Variants in MON2 observed in about 807,000 individuals in gnomAD.
The protein encoded by MON2 is MON2 regulator of endosome-to-Golgi trafficking.
A neutral mutation model predicts 208.6 loss-of-function variants in MON2; 84 were observed. The ratio of observed to expected loss-of-function variants is 0.40; its 90% CI spans 0.34 to 0.48. The LOEUF is 0.48. MON2 is among the 20% of genes least tolerant of loss of function. The probability of loss-of-function intolerance (pLI) is 0.59; values close to 1 mark genes in which losing one functional copy is unlikely to be tolerated. For missense variants in MON2, 1,611 were observed against 2,015.4 expected (o/e 0.80, Z 3.84); for synonymous variants, 660 against 694.0 (o/e 0.95, Z 0.77).
chr12:62,473,515 T>C (rs2068901478), intron 1 of MON2, among the ~76,000 whole-genome samples: 1 of 152,204 alleles, frequency 6.6e-6, no homozygotes, highest in South Asian at 2.1e-4. Flanking sequence ...TTTTGAGTTT[T>C]GTAAGACTGT....
At chr12:62,505,414 G>A (rs2071048096) in intron 7 of MON2, among the ~76,000 whole-genome samples, 1 of 152,154 alleles carries the variant, frequency 6.6e-6, no homozygotes, top group African/African-American at 2.4e-5. Context: ...GCAAGGGCAT[G>A]GTACTCTGGA....
intron 26 of MON2, 33 bp downstream of exon 26, chr12:62,561,146 A>C (rs765205619): frequency 1.2e-5 from 18 of 1,515,128 alleles, no homozygotes; most frequent in Non-Finnish European, 3.5e-6. Context: ...GTAATACTGC[A>C]TATAGTTCTC....
intron 4 of MON2, 48 bp downstream of exon 4, chr12:62,495,195 T>G (rs754509010): frequency 6.6e-7 from 1 of 1,505,776 alleles, no homozygotes; most frequent in African/African-American, 1.4e-5. Flanking sequence ...AGACAGTATT[T>G]GAATAAGCTG....
chr12:62,487,715 T>A (rs1044434686), intron 2 of MON2, among the ~76,000 whole-genome samples: 3 of 151,996 alleles, frequency 2.0e-5, no homozygotes, highest in Non-Finnish European at 4.4e-5. Context: ...ATAAATGTGC[T>A]TGTGATATTT....
chr12:62,473,215 C>T (rs535065570), intron 1 of MON2, among the ~76,000 whole-genome samples: 1 of 152,260 alleles, frequency 6.6e-6, no homozygotes, highest in Non-Finnish European at 1.5e-5. Context: ...AACTTTGCAT[C>T]CTTAGACTCT....
intron 25 of MON2, among the ~76,000 whole-genome samples, chr12:62,557,358 CAT>C (rs1201843358): frequency 6.6e-6 from 1 of 152,104 alleles, no homozygotes; most frequent in Non-Finnish European, 1.5e-5. Flanking sequence ...TTTTAGTTGT[CAT>C]AACTGGGGAA....
intron 23 of MON2, among the ~76,000 whole-genome samples, chr12:62,551,636 C>T (rs2073750789): frequency 6.6e-6 from 1 of 152,096 alleles, no homozygotes; most frequent in African/African-American, 2.4e-5. Context: ...AGGGTTGCCA[C>T]AAACCTTTAT....
chr12:62,563,866 A>G (rs2074280731), intron 26 of MON2, among the ~76,000 whole-genome samples: 1 of 152,112 alleles, frequency 6.6e-6, no homozygotes, highest in Admixed American at 6.6e-5. Context: ...AAATAAAACA[A>G]TTCACTTAGA....
chr12:62,482,326 A>C (rs2069494452), intron 1 of MON2: 1 of 152,264 alleles, frequency 6.6e-6, no homozygotes, highest in Non-Finnish European at 1.5e-5. Flanking sequence ...AAAATGACAG[A>C]AGTCTACTGC....
chr12:62,527,185 G>A (rs1365939273), intron 11 of MON2, among the ~76,000 whole-genome samples: 2 of 152,156 alleles, frequency 1.3e-5, no homozygotes, highest in African/African-American at 2.4e-5. Flanking sequence ...ACAGACTCAG[G>A]AAGCTGAGGC....
chr12:62,573,448 C>T (rs2074671788), intron 30 of MON2, among the ~76,000 whole-genome samples: 1 of 149,550 alleles, frequency 6.7e-6, no homozygotes. Flanking sequence ...CTTTCCCTAG[C>T]AAGGTGTGGT....
At chr12:62,545,473 G>A (rs2073441665) in intron 21 of MON2, 1 of 151,636 alleles carries the variant, frequency 6.6e-6, no homozygotes, top group African/African-American at 2.4e-5. Flanking sequence ...TGAATTCTTT[G>A]TCCTGACTCT....
intron 1 of MON2, among the ~76,000 whole-genome samples, chr12:62,473,456 T>G (rs1471847917): frequency 6.6e-6 from 1 of 152,262 alleles, no homozygotes; most frequent in Non-Finnish European, 1.5e-5. Flanking sequence ...TTTACCTTGC[T>G]TCATTATTTG....
intron 19 of MON2, among the ~76,000 whole-genome samples, chr12:62,541,157 G>A (rs187197499): frequency 2.2e-4 from 34 of 152,120 alleles, no homozygotes; most frequent in Middle Eastern, 3.4e-3. Context: ...TGAGGTGGGC[G>A]GATCACCTGA....
Position 62,535,631 on chromosome 12 carries a change from A to G in MON2, c.1822A>G (p.Ile608Val), listed in dbSNP as rs769745965. 4.2e-5 allele frequency: 67 copies of G among 1,613,758 alleles called. 2 individuals are homozygous for G. In the Middle Eastern group the frequency reaches 5.0e-3, roughly 119 times the overall value. ...TTCAAGAGATGCCTTTATAACTGCAATATGCAAAGGTTCCCTGCCTCCCCA... is the reference window on the plus strand; with the variant it reads ...TTCAAGAGATGCCTTTATAACTGCAGTATGCAAAGGTTCCCTGCCTCCCCA... ...VTSRDAFITAICKGSLPPHYA... is the reference protein window; with the variant it reads ...VTSRDAFITAVCKGSLPPHYA... Residue 608 changes from isoleucine to valine, a missense_variant, in exon 14 of 35, where the codon ATA becomes GTA. By Grantham distance (29) the Ile-to-Val change is conservative (BLOSUM62 3). Coordinates refer to ENST00000393630, the MANE Select transcript of MON2 (RefSeq NM_015026.3).
chr12:62,595,348 T>G lies in MON2; in HGVS notation c.*2599T>G, dbSNP rs186760613. 3 of 152,300 alleles carry G rather than the reference T, an allele frequency of 2.0e-5. No individual in the cohort carries two copies. In the East Asian group the frequency reaches 5.8e-4, roughly 29 times the overall value. 9.4% of individuals were successfully genotyped at this position (152,300 alleles called of 1,614,324 possible). ...TTAGTAGAGATGGGGTTTCACCATT[T>G]TGGCCATTCTAGTCTTGAACTCCTG... On this transcript the variant is annotated 3_prime_UTR_variant, in exon 35 of 35. Coordinates refer to ENST00000393630, the MANE Select transcript of MON2 (RefSeq NM_015026.3).
At chr12:62,537,983 T>G in intron 16 of MON2, 113 bp from the exon 17 acceptor site, 1 of 894,288 alleles carries the variant, frequency 1.1e-6, no homozygotes, top group South Asian at 1.7e-5. Context: ...TTTAAAAACC[T>G]ACTACTGATT....
At chr12:62,491,710 A>AG (rs2070152235) in intron 2 of MON2, among the ~76,000 whole-genome samples, 1 of 152,162 alleles carries the variant, frequency 6.6e-6, no homozygotes, top group African/African-American at 2.4e-5. Flanking sequence ...GGGCTGCATC[A>AG]GGCCCTGTAA....
chr12:62,547,145 A>G (rs2073522247), intron 22 of MON2, 73 bp downstream of exon 22: 1 of 1,060,006 alleles, frequency 9.4e-7, no homozygotes, highest in Non-Finnish European at 1.3e-6. Context: ...ATTAACATCA[A>G]AAAAGTGATA....
Sources: gnomAD v4.1 joint callset for allele counts (sites outside exome capture counted in the v4.1 genomes callset) on GRCh38, gnomAD v4.1.1 for gene constraint, MANE v1.5 for transcripts, NCBI Gene and HGNC (gene_info 2026-07-23, HGNC 2026-07-21) for gene names.